The following DPF3 variants were observed in gnomAD, a reference collection of about 807,000 sequenced individuals.
The protein encoded by DPF3 is zinc finger protein DPF3.
DPF3 carries 18 observed loss-of-function variants against 56.8 expected under a neutral mutation model. That is an observed-to-expected ratio of 0.32 (90% CI 0.22 to 0.47). The LOEUF (loss-of-function observed/expected upper bound fraction) is 0.47. Among genes scored for constraint, DPF3 ranks in the 20% least tolerant of loss-of-function variants. DPF3 has a pLI of 1.00. For missense variants in DPF3, 403 were observed against 488.8 expected (o/e 0.82, Z 1.65); for synonymous variants, 188 against 180.2 (o/e 1.04, Z -0.35).
At chr14:72,861,743 GAAAGAAAGAAAGAAAGAA>G (rs1213988189) in intron 1 of DPF3, among the ~76,000 whole-genome samples, 47 of 114,108 alleles carry the variant, frequency 4.1e-4, no homozygotes, top group African/African-American at 1.6e-3. Flanking sequence ...GAAAGAGAAA[GAAAGAAAGAAAGAAAGAA>G]AGAAAGAAAG....
chr14:72,795,291 A>ATATATATAT (rs1158510213), intron 1 of DPF3, among the ~76,000 whole-genome samples: 63 of 122,360 alleles, frequency 5.1e-4, no homozygotes, highest in Non-Finnish European at 8.9e-4. Context: ...AAAAAAAAAA[A>ATATATATAT]AAAAATATAT....
chr14:72,810,426 C>T (rs934790916), intron 1 of DPF3, among the ~76,000 whole-genome samples: 6 of 152,114 alleles, frequency 3.9e-5, no homozygotes, highest in Admixed American at 6.5e-5. Context: ...TGTTCTAATA[C>T]GTCAGCAAAT....
chr14:72,823,292 T>G (rs1447074479), intron 1 of DPF3, among the ~76,000 whole-genome samples: 3 of 152,222 alleles, frequency 2.0e-5, no homozygotes, highest in Non-Finnish European at 4.4e-5. Flanking sequence ...AGGTCTCCCT[T>G]CTTTCAAATA....
At chr14:72,793,439 CA>C (rs1892518460) in intron 1 of DPF3, among the ~76,000 whole-genome samples, 1 of 152,192 alleles carries the variant, frequency 6.6e-6, no homozygotes, top group South Asian at 2.1e-4. Flanking sequence ...AAGTAAAAGG[CA>C]AAAAGCATCC....
intron 1 of DPF3, among the ~76,000 whole-genome samples, chr14:72,811,168 G>A (rs1883028430): frequency 6.6e-6 from 1 of 152,258 alleles, no homozygotes; most frequent in Non-Finnish European, 1.5e-5. Context: ...TCATCACCAA[G>A]TGGACGGTGC....
chr14:72,729,757 C>T (rs996887089), intron 4 of DPF3, among the ~76,000 whole-genome samples: 10 of 152,048 alleles, frequency 6.6e-5, no homozygotes, highest in Non-Finnish European at 1.2e-4. Flanking sequence ...CCAGTGGTTG[C>T]CAGGCATTAG....
intron 6 of DPF3, among the ~76,000 whole-genome samples, chr14:72,708,786 C>A (rs1888527937): frequency 1.3e-5 from 2 of 152,194 alleles, no homozygotes; most frequent in Non-Finnish European, 2.9e-5. Flanking sequence ...GGCACAGTTT[C>A]CCGTGGTATT....
intron 7 of DPF3, among the ~76,000 whole-genome samples, chr14:72,689,514 G>A (rs867364037): frequency 2.0e-5 from 3 of 152,288 alleles, no homozygotes; most frequent in South Asian, 2.1e-4. Context: ...ACGAAGCTGA[G>A]ACCTTAGGAT....
intron 1 of DPF3, among the ~76,000 whole-genome samples, chr14:72,789,435 C>T (rs1177993744): frequency 6.6e-6 from 1 of 152,222 alleles, no homozygotes; most frequent in Non-Finnish European, 1.5e-5. Context: ...CCACACCACG[C>T]TGCCTCTGTA....
intron 1 of DPF3, among the ~76,000 whole-genome samples, chr14:72,863,118 ATG>A (rs59855191): frequency 0.12 from 14,092 of 115,862 alleles, 891 homozygotes; most frequent in African/African-American, 0.18. Context: ...GTATACATAT[ATG>A]TGTGTGTGTG....
intron 8 of DPF3, chr14:72,661,857 T>TA (rs1886229049): frequency 1.0e-5 from 1 of 95,648 alleles, no homozygotes; most frequent in African/African-American, 6.4e-5. Flanking sequence ...ATTTTTGCTT[T>TA]TTTTTTTTTT....
intron 1 of DPF3, chr14:72,892,332 G>A (rs1399135732): frequency 1.5e-5 from 23 of 1,535,192 alleles, no homozygotes; most frequent in Non-Finnish European, 2.0e-5. Context: ...CATTTATTCT[G>A]CCATAAAACA....
At chr14:72,808,085 G>A (rs2140012622) in intron 1 of DPF3, among the ~76,000 whole-genome samples, 1 of 152,274 alleles carries the variant, frequency 6.6e-6, no homozygotes, top group African/African-American at 2.4e-5. Context: ...GATGGGGTAA[G>A]GATAAGGTGG....
chr14:72,677,084 G>C (rs1815785296), intron 7 of DPF3, among the ~76,000 whole-genome samples: 1 of 152,176 alleles, frequency 6.6e-6, no homozygotes, highest in African/African-American at 2.4e-5. Flanking sequence ...CATCCTGTTG[G>C]CCATACAGAG....
intron 9 of DPF3, among the ~76,000 whole-genome samples, chr14:72,627,370 G>C (rs1403887823): frequency 6.6e-6 from 1 of 151,968 alleles, no homozygotes; most frequent in Non-Finnish European, 1.5e-5. Flanking sequence ...TTCTCAAATG[G>C]CTACCCCATT....
chr14:72,857,090 A>G (rs1324236213), intron 1 of DPF3, among the ~76,000 whole-genome samples: 6 of 152,248 alleles, frequency 3.9e-5, no homozygotes, highest in African/African-American at 1.4e-4. Flanking sequence ...AGGGGCGACC[A>G]GGAAGGCCAG....
chr14:72,692,039 G>T (rs369341478), intron 7 of DPF3, among the ~76,000 whole-genome samples: 1 of 152,328 alleles, frequency 6.6e-6, no homozygotes, highest in African/African-American at 2.4e-5. Flanking sequence ...TCTGAAGAAT[G>T]GTCTTGGCCA....
chr14:72,698,490 G>C (rs1718451421), intron 6 of DPF3, among the ~76,000 whole-genome samples: 1 of 152,138 alleles, frequency 6.6e-6, no homozygotes, highest in Admixed American at 6.5e-5. Context: ...ACCAGCCTAG[G>C]CAACATGGTC....
At chr14:72,809,738 G>A (rs929248473) in intron 1 of DPF3, among the ~76,000 whole-genome samples, 1 of 152,172 alleles carries the variant, frequency 6.6e-6, no homozygotes, top group East Asian at 1.9e-4. Flanking sequence ...CATAGATCAG[G>A]AGGAGACCCA....
Sources: gnomAD v4.1 joint callset for allele counts (sites outside exome capture counted in the v4.1 genomes callset) on GRCh38, gnomAD v4.1.1 for gene constraint, MANE v1.5 for transcripts, NCBI Gene and HGNC (gene_info 2026-07-23, HGNC 2026-07-21) for gene names.